ZP2: variants seen among roughly 807,000 people sequenced by gnomAD.
The protein encoded by ZP2 is zona pellucida glycoprotein 2, also known as zona pellucida sperm-binding protein 2.
In ZP2, 51 loss-of-function variants were observed where a neutral mutation model predicts 84.0. That is an observed-to-expected ratio of 0.61 (90% confidence interval 0.49 to 0.77). The LOEUF is 0.77. Ranked by LOEUF, ZP2 falls within the 30% of genes least tolerant of loss-of-function variation. The probability of loss-of-function intolerance (pLI) is 0.00; values close to 1 mark genes in which losing one functional copy is unlikely to be tolerated. For synonymous variants in ZP2, 375 were observed against 330.9 expected (o/e 1.13, Z -1.45); for missense variants, 909 against 911.9 (o/e 1.00, Z 0.04).
chr16:21,198,074 T>C, intron 17 of ZP2: 1 of 452,126 alleles, frequency 2.2e-6, no homozygotes, highest in Non-Finnish European at 3.9e-6. Flanking sequence ...TTGACTACTA[T>C]ACAAGAAATT....
chr16:21,198,897 T>C, intron 16 of ZP2, 35 bp from the exon 17 acceptor site: 23 of 1,582,852 alleles, frequency 1.5e-5, no homozygotes, highest in Non-Finnish European at 2.0e-5. Flanking sequence ...GTTTGGCCTC[T>C]GGAATAGTGG....
rs1189242777 is a variant in ZP2 at position 21,210,115 on chromosome 16, C to T, written c.229G>A (p.Val77Met). ...SPGTKKWHAS[V>M]VDPLGLDMPN... ...GATAACACACGTTACCTACCCACCA[C>T]AGATGCATGCCATTTCTTGGTGCCA... is the stretch of plus-strand genomic sequence containing the variant. Residue 77 changes from valine to methionine, a missense_variant, in exon 3 of 19, where the codon GTG becomes ATG. Coordinates refer to ENST00000574091, the MANE Select transcript of ZP2 (RefSeq NM_001376232.1). The T allele has an allele frequency of 6.2e-7, 1 of 1,614,020 alleles. No individual in the cohort carries two copies. Among genetic ancestry groups the T allele is most frequent in the Non-Finnish European group, 8.5e-7 (1 of 1,179,920 alleles).
rs1018151126 is a variant in ZP2 at position 21,200,741 on chromosome 16, A to G, written c.1694+628T>C. Among the ~76,000 whole-genome samples, 16 of 152,352 alleles carry G rather than the reference A, an allele frequency of 1.1e-4. 1 individual carries two copies. The South Asian group carries it at 2.1e-3, about 20-fold the overall frequency. Reference sequence around the variant, plus strand: ...GGTTTCTTCATGAAAGACGAAGACTAGTACAACTAGTGGATGTGGAATACA... The same window carrying G: ...GGTTTCTTCATGAAAGACGAAGACTGGTACAACTAGTGGATGTGGAATACA... On this transcript the variant is annotated intron_variant, in intron 14 of 18. Coordinates refer to ENST00000574091, the MANE Select transcript of ZP2 (RefSeq NM_001376232.1).
intron 2 of ZP2, among the ~76,000 whole-genome samples, chr16:21,210,803 G>C (rs1253691602): frequency 1.3e-5 from 2 of 151,888 alleles, no homozygotes; most frequent in African/African-American, 4.8e-5. Flanking sequence ...TCAAACTCCT[G>C]AGCTCAGGTG....
chr16:21,201,281 C>A, intron 14 of ZP2, 88 bp downstream of exon 14: 2 of 1,185,690 alleles, frequency 1.7e-6, no homozygotes, highest in Non-Finnish European at 2.3e-6. Flanking sequence ...TGACTGAATG[C>A]TGCTCTAAAG....
chr16:21,214,212 TTTTG>T (rs1166351240), upstream of ZP2: 3 of 984,578 alleles, frequency 3.0e-6, no homozygotes, highest in African/African-American at 1.8e-5. Flanking sequence ...CAGAGATTAA[TTTTG>T]TTTGTCTCAC....
At position 21,201,458 on chromosome 16, in the gene ZP2, G is replaced by T; in HGVS notation, c.1605C>A (p.Asp535Glu). Reference sequence around the variant, plus strand: ...CATCTAAGACCAGCTTGATGTTGGGGTCATCCCTGTTTAGGACTCTCACTT... The same window carrying T: ...CATCTAAGACCAGCTTGATGTTGGGTTCATCCCTGTTTAGGACTCTCACTT... Reference protein sequence around the residue: ...YMEVRVLNRDDPNIKLVLDDC... With the variant: ...YMEVRVLNRDEPNIKLVLDDC... The change falls in exon 14 of 19, where the codon GAC becomes GAA. Residue 535 changes from aspartate to glutamate, a missense_variant. Physicochemically the swap from Asp to Glu is conservative, Grantham distance 45. Transcript: ENST00000574091. 3 of 1,613,760 alleles carry T rather than the reference G, an allele frequency of 1.9e-6. No homozygotes were observed. The highest frequency in any genetic ancestry group is 2.2e-5 in the South Asian group (2 of 90,922).
chr16:21,212,076 C>T (rs28472578), upstream of ZP2, among the ~76,000 whole-genome samples: 21,499 of 151,934 alleles, frequency 0.14, 1,638 homozygotes, highest in African/African-American at 0.17. Context: ...TACAGGTGCA[C>T]GCCACCACAC....
At position 21,197,827 on chromosome 16, in the gene ZP2, T is replaced by C. The variant is rs532007448; in HGVS notation, c.2034A>G (p.Lys678=). Residue 678 remains lysine, a synonymous_variant, in exon 18 of 19, where the codon AAA becomes AAG. Transcript: ENST00000574091. The part of the protein sequence containing the change: ...SFRGVGSSDL[K]ASGSSGEKSR... ...TCTTCTCCCCACTGCTCCCACTTGC[T>C]TTTAGATCAGATGAGCCGACACCTG... The C allele has an allele frequency of 7.4e-6, 12 of 1,614,202 alleles. No individual in the cohort carries two copies. The highest frequency in any genetic ancestry group is 1.6e-4 in the Middle Eastern group (1 of 6,062).
intron 5 of ZP2, among the ~76,000 whole-genome samples, chr16:21,206,274 G>A (rs2093249251): frequency 6.6e-6 from 1 of 152,188 alleles, no homozygotes; most frequent in South Asian, 2.1e-4. Flanking sequence ...TGGGATTACA[G>A]GCATGAGCCA....
chr16:21,214,210 A>G, upstream of ZP2: 1 of 984,060 alleles, frequency 1.0e-6, no homozygotes, highest in Non-Finnish European at 1.2e-6. Context: ...ACCAGAGATT[A>G]ATTTTGTTTG....
intron 14 of ZP2, 127 bp from the exon 15 acceptor site, chr16:21,200,005 T>A: frequency 8.4e-7 from 1 of 1,193,076 alleles, no homozygotes; most frequent in Non-Finnish European, 1.2e-6. Flanking sequence ...TACCAGCACC[T>A]TTGTTTTACT....
Position 21,197,825 on chromosome 16 carries a change from G to C in ZP2, c.2036C>G (p.Ala679Gly), listed in dbSNP as rs1224784474. ...FRGVGSSDLK[A>G]SGSSGEKSRS... ...ACTCTTCTCCCCACTGCTCCCACTT[G>C]CTTTTAGATCAGATGAGCCGACACC... The change falls in exon 18 of 19, where the codon GCA becomes GGA. Residue 679 changes from alanine to glycine, a missense_variant. Physicochemically the swap from Ala to Gly is moderately conservative, Grantham distance 60 (BLOSUM62 0). Transcript: ENST00000574091. The C allele has an allele frequency of 6.2e-7, 1 of 1,614,120 alleles. No homozygotes were observed.
chr16:21,214,050 T>C (rs1008961458), upstream of ZP2, among the ~76,000 whole-genome samples: 1 of 151,818 alleles, frequency 6.6e-6, no homozygotes, highest in African/African-American at 2.4e-5. Context: ...GGTGTCTTTC[T>C]CCAGAGCGGG....
intron 7 of ZP2, among the ~76,000 whole-genome samples, chr16:21,204,930 T>A (rs1199607686): frequency 6.6e-6 from 1 of 152,214 alleles, no homozygotes; most frequent in Non-Finnish European, 1.5e-5. Flanking sequence ...GGAATATGCT[T>A]GTTCTGTGTT....
At position 21,201,461 on chromosome 16, in the gene ZP2, A is replaced by G. The variant is rs1451570726; in HGVS notation, c.1602T>C (p.Asp534=). The G allele has an allele frequency of 6.2e-7, 1 of 1,613,852 alleles. No individual in the cohort carries two copies. Among genetic ancestry groups the G allele is most frequent in the East Asian group, 2.2e-5 (1 of 44,884 alleles). The change falls in exon 14 of 19, where the codon GAT becomes GAC. Residue 534 remains aspartate, a synonymous_variant. Transcript: ENST00000574091. ...CTAAGACCAGCTTGATGTTGGGGTCATCCCTGTTTAGGACTCTCACTTCCA... is the reference window on the plus strand; with the variant it reads ...CTAAGACCAGCTTGATGTTGGGGTCGTCCCTGTTTAGGACTCTCACTTCCA... ...IYMEVRVLNR[D]DPNIKLVLDD...
intron 16 of ZP2, among the ~76,000 whole-genome samples, chr16:21,199,200 T>C (rs2093213409): frequency 6.7e-6 from 1 of 150,208 alleles, no homozygotes; most frequent in Admixed American, 6.8e-5. Flanking sequence ...GGGGTTCCTA[T>C]AATCCCAGCT....
At chr16:21,206,663 A>G (rs1222098086) in intron 5 of ZP2, among the ~76,000 whole-genome samples, 175 bp downstream of exon 5, 2 of 152,216 alleles carry the variant, frequency 1.3e-5, no homozygotes, top group African/African-American at 4.8e-5. Flanking sequence ...TTATTGTCCC[A>G]TCACTTTGGA....
rs763005598 is a variant in ZP2 at position 21,204,114 on chromosome 16, C to G, written c.888G>C (p.Val296=). ...SVSFENQNID[V]SQLHDNGIDL... Reference sequence around the variant, plus strand: ...CAATTCCATTGTCATGCAGCTGGCTCACATCAATGTTCTGGTTTTCAAAGC... The same window carrying G: ...CAATTCCATTGTCATGCAGCTGGCTGACATCAATGTTCTGGTTTTCAAAGC... Residue 296 remains valine (V), a synonymous_variant, in exon 9 of 19, where the codon GTG becomes GTC. Transcript: ENST00000574091. 6.8e-6 allele frequency: 11 copies of G among 1,614,032 alleles called. No individual in the cohort carries two copies. The highest frequency in any genetic ancestry group is 5.0e-5 in the Admixed American group (3 of 59,990).
Sources: allele counts gnomAD v4.1 joint callset (sites outside exome capture counted in the v4.1 genomes callset), GRCh38; gene constraint gnomAD v4.1.1; transcripts MANE v1.5; gene names NCBI Gene and HGNC (gene_info 2026-07-23, HGNC 2026-07-21).